Variants in NRCAM observed in about 807,000 individuals in gnomAD.
NRCAM encodes NgCAM-related cell adhesion molecule.
In NRCAM, 83 loss-of-function variants were observed where a neutral mutation model predicts 156.5. The ratio of observed to expected loss-of-function variants is 0.53; its 90% CI spans 0.44 to 0.64. The LOEUF is 0.64. Among genes scored for constraint, NRCAM ranks in the 30% least tolerant of loss-of-function variants. The pLI is 0.00. For missense variants in NRCAM, 1,417 were observed against 1,597.3 expected, an observed-to-expected ratio of 0.89 and a Z score of 1.92; for synonymous variants, 538 against 563.9, an observed-to-expected ratio of 0.95 and a Z score of 0.65.
intron 1 of NRCAM, among the ~76,000 whole-genome samples, chr7:108,417,120 G>A (rs1188474017): frequency 2.0e-5 from 3 of 152,264 alleles, no homozygotes; most frequent in East Asian, 1.9e-4. Flanking sequence ...AACATAACAC[G>A]CTTCCCTCCA....
chr7:108,246,149 T>C (rs914131931), intron 3 of NRCAM, among the ~76,000 whole-genome samples: 3 of 152,138 alleles, frequency 2.0e-5, no homozygotes, highest in Admixed American at 6.5e-5. Flanking sequence ...CGAAAGGGAA[T>C]TTCCTTCTTT....
At chr7:108,222,482 G>A (rs1346770039) in intron 11 of NRCAM, among the ~76,000 whole-genome samples, 1 of 152,196 alleles carries the variant, frequency 6.6e-6, no homozygotes, top group Non-Finnish European at 1.5e-5. Context: ...GATACCTTCT[G>A]CTCCCAAAGG....
chr7:108,456,249 G>C lies in NRCAM; in HGVS notation c.-338C>G, dbSNP rs904354286. On this transcript the variant is annotated 5_prime_UTR_variant, in exon 1 of 33. Coordinates refer to ENST00000379028, the MANE Select transcript of NRCAM (RefSeq NM_001037132.4). The stretch of plus-strand genomic sequence containing the variant: ...CGCGCAAGGAGCTACTTACGTTCTC[G>C]CGCCGCGCCCTCCGCTCAGCTCTGG... 6.6e-6 allele frequency: 1 copy of C among 152,310 alleles called. No homozygotes were observed. Among genetic ancestry groups the C allele is most frequent in the African/African-American group, 2.4e-5 (1 of 41,408 alleles). The allele number at this position is 152,310 out of a possible 1,614,324, so 9.4% of individuals were successfully genotyped here. A position where few individuals can be genotyped will look rare whatever the true frequency, so the allele number is the denominator to read the frequency against.
chr7:108,413,804 C>T (rs1333494228), intron 1 of NRCAM, among the ~76,000 whole-genome samples: 1 of 152,112 alleles, frequency 6.6e-6, no homozygotes, highest in Non-Finnish European at 1.5e-5. Context: ...TCTGCTTTCC[C>T]AGGTTTGCCT....
At chr7:108,286,012 T>C (rs906833503) in intron 3 of NRCAM, among the ~76,000 whole-genome samples, 2 of 152,234 alleles carry the variant, frequency 1.3e-5, no homozygotes, top group African/African-American at 2.4e-5. Context: ...GTATGGCTTA[T>C]AGTAGGCTTT....
intron 17 of NRCAM, among the ~76,000 whole-genome samples, chr7:108,192,588 C>T (rs1204105549): frequency 2.0e-5 from 3 of 152,038 alleles, no homozygotes; most frequent in Non-Finnish European, 4.4e-5. Context: ...TCCTTAAGTT[C>T]CCAGGGGAAG....
At chr7:108,397,038 TTTAC>T (rs1460761968) in intron 2 of NRCAM, among the ~76,000 whole-genome samples, 1 of 152,222 alleles carries the variant, frequency 6.6e-6, no homozygotes, top group Non-Finnish European at 1.5e-5. Flanking sequence ...TGTGAACTGA[TTTAC>T]TTAATTCAAT....
At chr7:108,319,057 A>G (rs1017435240) in intron 2 of NRCAM, among the ~76,000 whole-genome samples, 5 of 152,226 alleles carry the variant, frequency 3.3e-5, no homozygotes, top group African/African-American at 1.2e-4. Flanking sequence ...TCTAAGATGG[A>G]TATGATAATG....
At chr7:108,307,680 CAA>C (rs796191425) in intron 3 of NRCAM, among the ~76,000 whole-genome samples, 3 of 127,172 alleles carry the variant, frequency 2.4e-5, no homozygotes. Flanking sequence ...CAAAGCAAAG[CAA>C]AAAAAAAAAA....
chr7:108,373,130 A>T (rs908849220), intron 2 of NRCAM, among the ~76,000 whole-genome samples: 6 of 152,172 alleles, frequency 3.9e-5, no homozygotes, highest in Non-Finnish European at 8.8e-5. Flanking sequence ...CACTTATAGG[A>T]GGTATCTAAA....
intron 11 of NRCAM, among the ~76,000 whole-genome samples, chr7:108,214,393 T>C (rs1407997825): frequency 6.6e-6 from 1 of 152,224 alleles, no homozygotes; most frequent in Non-Finnish European, 1.5e-5. Flanking sequence ...TAGAGGTGTT[T>C]ATAGTATTCT....
intron 2 of NRCAM, among the ~76,000 whole-genome samples, chr7:108,348,312 A>T (rs1204069748): frequency 1.3e-5 from 2 of 152,210 alleles, no homozygotes; most frequent in Non-Finnish European, 2.9e-5. Context: ...GCAAAGACCC[A>T]GAGTAGGTAA....
chr7:108,267,398 C>CA (rs1271677088), intron 3 of NRCAM, among the ~76,000 whole-genome samples: 2 of 152,220 alleles, frequency 1.3e-5, no homozygotes, highest in African/African-American at 4.8e-5. Flanking sequence ...CCTCAATAGG[C>CA]AACCACACAC....
In NRCAM at chr7:108,455,777, T is replaced by A. The variant is rs978425228; in HGVS notation, c.-332+466A>T. Among the ~76,000 whole-genome samples, 24 of 151,734 alleles carry A rather than the reference T, an allele frequency of 1.6e-4. No homozygotes were observed. The East Asian group carries it at 4.7e-3, about 30-fold the overall frequency. On this transcript the variant is annotated intron_variant, in intron 1 of 32. Transcript: ENST00000379028. The stretch of plus-strand genomic sequence containing the variant: ...TGCGCTCCCGGCCCGGCCCCCGCGC[T>A]CCTCGCCCCGCCGGCACTGTGGCGT...
Position 108,237,749 on chromosome 7 carries a change from T to G in NRCAM, c.124+3A>C. On this transcript the variant is annotated splice_donor_region_variant and intron_variant, in intron 5 of 32. Transcript: ENST00000379028. The stretch of plus-strand genomic sequence containing the variant: ...GCCTAGTAATTTATAGAAGGACACT[T>G]ACAGTCTTCAAGAAGTTTTGCTTTT... 6.3e-7 allele frequency: 1 copy of G among 1,592,258 alleles called. No individual in the cohort carries two copies. The highest frequency in any genetic ancestry group is 8.5e-7 in the Non-Finnish European group (1 of 1,170,270).
intron 2 of NRCAM, among the ~76,000 whole-genome samples, chr7:108,382,420 A>AC (rs1036365841): frequency 2.0e-5 from 3 of 151,882 alleles, no homozygotes; most frequent in African/African-American, 7.3e-5. Context: ...ACAAAGTGAG[A>AC]CCCCATCTCT....
At chr7:108,201,809 A>G (rs182129179) in intron 13 of NRCAM, among the ~76,000 whole-genome samples, 3 of 152,352 alleles carry the variant, frequency 2.0e-5, no homozygotes, top group Admixed American at 2.0e-4. Flanking sequence ...TAAATAGAGC[A>G]GTCTTCAAAT....
intron 1 of NRCAM, among the ~76,000 whole-genome samples, chr7:108,437,628 G>C (rs1198643447): frequency 1.3e-5 from 2 of 151,962 alleles, no homozygotes; most frequent in African/African-American, 4.8e-5. Context: ...GAAGGCCGTA[G>C]AATAAAATAA....
At chr7:108,210,984 G>A (rs1207838598) in intron 11 of NRCAM, among the ~76,000 whole-genome samples, 2 of 152,192 alleles carry the variant, frequency 1.3e-5, no homozygotes, top group Non-Finnish European at 2.9e-5. Flanking sequence ...AGCAGCATGT[G>A]GAGGCTTGCA....
Sources: allele counts gnomAD v4.1 joint callset (sites outside exome capture counted in the v4.1 genomes callset), GRCh38; gene constraint gnomAD v4.1.1; transcripts MANE v1.5; gene names NCBI Gene and HGNC (gene_info 2026-07-23, HGNC 2026-07-21).